Variants in ZNF814 observed in about 807,000 individuals in gnomAD.
ZNF814 encodes the protein zinc finger protein 814.
A neutral mutation model predicts 7.5 loss-of-function variants in ZNF814; 5 were observed. The observed-to-expected ratio is 0.67, with a 90% CI of 0.35 to 1.40. The LOEUF (loss-of-function observed/expected upper bound fraction) is 1.40, where lower values mean the gene tolerates loss of function less well. Among genes scored for constraint, ZNF814 ranks in the 40% most tolerant of loss-of-function variants. The pLI is 0.04. For missense variants in ZNF814, 962 were observed against 1,018.0 expected (o/e 0.94, Z 0.75); for synonymous variants, 315 against 340.7 (o/e 0.92, Z 0.83).
chr19:57,884,562 G>A (rs955095440), intron 1 of ZNF814, among the ~76,000 whole-genome samples: 1 of 152,156 alleles, frequency 6.6e-6, no homozygotes, highest in African/African-American at 2.4e-5. Flanking sequence ...AAGCTGCAGT[G>A]AGCCATCATC....
rs1268860457 is a variant in ZNF814, at chr19:57,869,790, C to T, written c.*3032G>A. The T allele has an allele frequency of 6.6e-6, 1 of 151,760 alleles. No individual in the cohort carries two copies. The highest frequency in any genetic ancestry group is 2.1e-4 in the South Asian group (1 of 4,798). The allele number at this position is 151,760 out of a possible 1,614,324, so 9.4% of individuals were successfully genotyped here. A position where few individuals can be genotyped will look rare whatever the true frequency, so the allele number is the denominator to read the frequency against. ...CAAAACTCCGTCTCTACTAAAAATA[C>T]AAAACTTGGCCGGGCATGGTGGCAC... On this transcript the variant is annotated 3_prime_UTR_variant, in exon 3 of 3. Coordinates refer to ENST00000435989, the MANE Select transcript of ZNF814 (RefSeq NM_001144989.2).
rs1306393073 is a variant in ZNF814, at chr19:57,872,424, C to T, written c.*398G>A. The T allele has an allele frequency of 2.0e-5, 6 of 298,168 alleles. No individual in the cohort carries two copies. Among genetic ancestry groups the T allele is most frequent in the Non-Finnish European group, 3.1e-5 (5 of 160,664 alleles). 18.5% of individuals were successfully genotyped at this position (298,168 alleles called of 1,614,324 possible). On this transcript the variant is annotated 3_prime_UTR_variant, in exon 3 of 3. Coordinates refer to ENST00000435989, the MANE Select transcript of ZNF814 (RefSeq NM_001144989.2). ...TCTCACATGTCACACTGGTAAGGCC[C>T]TGATCCAGTGTTAACTCTGATCTTG...
intron 1 of ZNF814, among the ~76,000 whole-genome samples, chr19:57,887,268 G>C (rs2071700884): frequency 6.6e-6 from 1 of 152,190 alleles, no homozygotes; most frequent in East Asian, 1.9e-4. Flanking sequence ...TCCACTATCA[G>C]TTCTCACCAG....
At position 57,869,510 on chromosome 19, in the gene ZNF814, A is replaced by C. The variant is rs1047405; in HGVS notation, c.*3312T>G. On this transcript the variant is annotated 3_prime_UTR_variant, in exon 3 of 3. Transcript: ENST00000435989. ...AGAAAGCCTTTATAAAAAGGTTCCA[A>C]GTAAATATAAAGGTGTTAAGTTCAT... 2.0e-5 allele frequency: 3 copies of C among 151,816 alleles called. No individual in the cohort carries two copies. The highest frequency in any genetic ancestry group is 2.9e-5 in the Non-Finnish European group (2 of 67,970). The allele number at this position is 151,816 out of a possible 1,614,324, so 9.4% of individuals were successfully genotyped here.
At position 57,874,107 on chromosome 19, in the gene ZNF814, C is replaced by A; in HGVS notation, c.1283G>T (p.Arg428Leu). ...ATAAGGTTTTTCTCCAGTGTGAAAT[C>A]GCTGATGTTGAATGAGGCTGCTCTT... ...SQKSSLIQHQ[R>L]FHTGEKPYGC... The change falls in exon 3 of 3, where the codon CGA becomes CTA. Residue 428 changes from arginine to leucine, a missense_variant. This residue lies in a region of ZNF814 where 665 missense variants were observed against 551.4 expected (regional missense o/e 1.21). Coordinates refer to ENST00000435989, the MANE Select transcript of ZNF814 (RefSeq NM_001144989.2). 1.2e-6 allele frequency: 2 copies of A among 1,601,174 alleles called. No individual in the cohort carries two copies. The highest frequency in any genetic ancestry group is 1.3e-5 in the African/African-American group (1 of 74,546).
intron 2 of ZNF814, among the ~76,000 whole-genome samples, chr19:57,875,967 T>C (rs1019321363): frequency 5.5e-5 from 7 of 126,800 alleles, no homozygotes; most frequent in Non-Finnish European, 9.7e-5. Context: ...TTTTTTTTTT[T>C]TTTTTTTTTT....
In ZNF814 at chr19:57,872,533, GACCTTCAGGTA is replaced by G; in HGVS notation, c.*278_*288del. ...AACTCTCTGATATTCAAGGAGAAAA[GACCTTCAGGTA>G]ACTTTTTTCCCACATTTGCTGCAAT... On this transcript the variant is annotated 3_prime_UTR_variant, in exon 3 of 3. Transcript: ENST00000435989. 4 of 692,452 alleles carry G rather than the reference GACCTTCAGGTA, an allele frequency of 5.8e-6. No individual in the cohort carries two copies. In the South Asian group the frequency reaches 8.5e-5, roughly 15 times the overall value. 42.9% of individuals were successfully genotyped at this position (692,452 alleles called of 1,614,324 possible). A position where few individuals can be genotyped will look rare whatever the true frequency, so the allele number is the denominator to read the frequency against.
At chr19:57,894,189 A>G in the ZNF814 span, among the ~76,000 whole-genome samples, 1 of 151,864 alleles carries the variant, frequency 6.6e-6, no homozygotes, top group Non-Finnish European at 1.5e-5. Context: ...CCTGGCCAGC[A>G]TGGTGAAACC....
At position 57,873,894 on chromosome 19, in the gene ZNF814, T is replaced by C. The variant is rs761127857; in HGVS notation, c.1496A>G (p.Lys499Arg). The C allele has an allele frequency of 2.2e-5, 35 of 1,603,510 alleles. No homozygotes were observed. Among genetic ancestry groups the C allele is most frequent in the Non-Finnish European group, 3.0e-5 (35 of 1,175,490 alleles). The change falls in exon 3 of 3, where the codon AAA (lysine) becomes AGA (arginine). Residue 499 changes from lysine (K) to arginine (R), a missense_variant. Around this residue, in one of 7 missense-constraint regions of ZNF814, gnomAD observed 665 missense variants for 551.4 expected, o/e 1.21. Transcript: ENST00000435989. ...ERPYQCGECG[K>R]SFSQKGNLVL... ...GAGGTTGCCCTTTTGACTGAAAGAT[T>C]TCCCACATTCTCCACACTGATAAGG...
intron 1 of ZNF814, chr19:57,885,965 G>C (rs1180561575): frequency 4.0e-5 from 4 of 101,226 alleles, no homozygotes; most frequent in Non-Finnish European, 7.3e-5. Flanking sequence ...GACAGAGTGA[G>C]ACTCCTTCTC....
rs1214250697 is a variant in ZNF814 at position 57,874,476 on chromosome 19, A to C, written c.914T>G (p.Phe305Cys). 4 of 700,376 alleles carry C rather than the reference A, an allele frequency of 5.7e-6. No homozygotes were observed. In the African/African-American group the frequency reaches 1.6e-4, roughly 28 times the overall value. The allele number at this position is 700,376 out of a possible 1,614,324, so 43.4% of individuals were successfully genotyped here. ...KHECGECGKS[F>C]SKYVSFSNHQ... The stretch of plus-strand genomic sequence containing the variant: ...ATTACTGAAGCTAACATATTTGCTA[A>C]AGGATTTCCCACATTCTCCACATTC... Residue 305 changes from phenylalanine to cysteine, a missense_variant, in exon 3 of 3, where the codon TTT (phenylalanine) becomes TGT (cysteine). Physicochemically the swap from Phe to Cys is radical, Grantham distance 205 (BLOSUM62 -2). Around this residue, in one of 7 missense-constraint regions of ZNF814, gnomAD observed 30 missense variants for 97.6 expected, o/e 0.31. Transcript: ENST00000435989.
chr19:57,904,528 T>A, the ZNF814 span, among the ~76,000 whole-genome samples: 1 of 152,174 alleles, frequency 6.6e-6, no homozygotes, highest in Non-Finnish European at 1.5e-5. Context: ...AAGCAGGTCA[T>A]GTTCACTGAG....
chr19:57,892,782 C>G (rs889911600), upstream of ZNF814, among the ~76,000 whole-genome samples: 1 of 152,194 alleles, frequency 6.6e-6, no homozygotes, highest in African/African-American at 2.4e-5. Context: ...AGCTCCTGGC[C>G]TTCCCCACCC....
upstream of ZNF814, among the ~76,000 whole-genome samples, chr19:57,893,212 C>T (rs1277955346): frequency 2.3e-4 from 33 of 140,518 alleles, no homozygotes; most frequent in African/African-American, 8.3e-4. Context: ...CTTGCACTGT[C>T]GCCCAGGCTG....
At chr19:57,886,526 C>T (rs2071694975) in intron 1 of ZNF814, among the ~76,000 whole-genome samples, 1 of 151,844 alleles carries the variant, frequency 6.6e-6, no homozygotes, top group African/African-American at 2.4e-5. Flanking sequence ...TAGAAAAAGA[C>T]AATTTGTATT....
At chr19:57,899,306 AT>A in the ZNF814 span, among the ~76,000 whole-genome samples, 1 of 152,220 alleles carries the variant, frequency 6.6e-6, no homozygotes, top group African/African-American at 2.4e-5. Context: ...CATGGATGAT[AT>A]TTTATGTGCA....
chr19:57,877,114 C>T, intron 1 of ZNF814, 72 bp from the exon 2 acceptor site: 1 of 1,583,546 alleles, frequency 6.3e-7, no homozygotes, highest in Non-Finnish European at 8.6e-7. Flanking sequence ...CTCTCCCACA[C>T]ATCTACTCTC....
the ZNF814 span, among the ~76,000 whole-genome samples, chr19:57,897,399 T>A: frequency 6.6e-6 from 1 of 152,062 alleles, no homozygotes. Context: ...AAAAAAGGAA[T>A]GTAGAAAAGG....
intron 1 of ZNF814, among the ~76,000 whole-genome samples, chr19:57,887,630 C>A (rs1156266511): frequency 6.6e-6 from 1 of 152,198 alleles, no homozygotes; most frequent in Non-Finnish European, 1.5e-5. Flanking sequence ...GCCAGACGAG[C>A]TCCACCTGGC....
Sources: gnomAD v4.1 joint callset for allele counts (sites outside exome capture counted in the v4.1 genomes callset) on GRCh38, gnomAD v4.1.1 for gene constraint, gnomAD v4.1.1 regional missense constraint, MANE v1.5 for transcripts, NCBI Gene and HGNC (gene_info 2026-07-23, HGNC 2026-07-21) for gene names.